The following PALM2AKAP2 variants were observed in gnomAD, a reference collection of about 807,000 sequenced individuals.
PALM2AKAP2 encodes the protein PALM2-AKAP2 fusion protein.
A neutral mutation model predicts 71.5 loss-of-function variants in PALM2AKAP2; 37 were observed. The ratio of observed to expected loss-of-function variants is 0.52; its 90% CI spans 0.40 to 0.68. The LOEUF (loss-of-function observed/expected upper bound fraction) is 0.68. PALM2AKAP2 is among the 30% of genes least tolerant of loss of function. The probability of loss-of-function intolerance (pLI) is 0.00; values close to 1 mark genes in which losing one functional copy is unlikely to be tolerated. For missense variants in PALM2AKAP2, 1,224 were observed against 1,191.8 expected (o/e 1.03, Z -0.40); for synonymous variants, 468 against 478.8 (o/e 0.98, Z 0.29).
intron 1 of PALM2AKAP2, among the ~76,000 whole-genome samples, chr9:110,093,290 G>A (rs2118807674): frequency 6.6e-6 from 1 of 152,308 alleles, no homozygotes; most frequent in African/African-American, 2.4e-5. Context: ...CTGGATGTGA[G>A]ATGTAATATT....
chr9:109,882,424 G>C (rs1291320784), intron 3 of PALM2AKAP2, among the ~76,000 whole-genome samples: 1 of 152,142 alleles, frequency 6.6e-6, no homozygotes, highest in Non-Finnish European at 1.5e-5. Flanking sequence ...AAAGTTTGGA[G>C]GGTTTGTGTG....
chr9:109,987,312 G>T (rs1011608382), intron 6 of PALM2AKAP2, among the ~76,000 whole-genome samples: 1 of 152,038 alleles, frequency 6.6e-6, no homozygotes, highest in Non-Finnish European at 1.5e-5. Flanking sequence ...TGTATTTTTA[G>T]TAGAGAGGGG....
At chr9:109,714,182 A>G (rs1828283789) in intron 1 of PALM2AKAP2, among the ~76,000 whole-genome samples, 1 of 152,232 alleles carries the variant, frequency 6.6e-6, no homozygotes, top group Non-Finnish European at 1.5e-5. Context: ...GAGTACTGCT[A>G]TCTAGTTACT....
exon 2 of PALM2AKAP2, chr9:110,137,796 A>G (rs931022054): frequency 2.5e-6 from 4 of 1,613,870 alleles, no homozygotes; most frequent in African/African-American, 2.7e-5. Context: ...TCACTGGCTG[A>G]TTTTTCTCTG....
chr9:109,959,575 G>A (rs540092841), intron 6 of PALM2AKAP2, among the ~76,000 whole-genome samples: 111 of 151,306 alleles, frequency 7.3e-4, no homozygotes, highest in Non-Finnish European at 1.4e-3. Flanking sequence ...AACCCGGGAG[G>A]CGGAACTTGC....
chr9:109,813,326 A>C (rs1827770988), intron 1 of PALM2AKAP2, among the ~76,000 whole-genome samples: 1 of 152,186 alleles, frequency 6.6e-6, no homozygotes, highest in Non-Finnish European at 1.5e-5. Context: ...ATGAATTGGG[A>C]CTCATTTAAT....
chr9:109,777,666 T>C (rs1292158106), upstream of PALM2AKAP2, among the ~76,000 whole-genome samples: 2 of 152,228 alleles, frequency 1.3e-5, no homozygotes, highest in South Asian at 2.1e-4. Context: ...AAGTCACTCA[T>C]GGCTTACTGA....
intron 1 of PALM2AKAP2, among the ~76,000 whole-genome samples, chr9:109,714,462 G>A (rs1828287434): frequency 6.6e-6 from 1 of 152,110 alleles, no homozygotes; most frequent in Non-Finnish European, 1.5e-5. Flanking sequence ...TCCATGAACA[G>A]CTGTTAAAAT....
intron 3 of PALM2AKAP2, among the ~76,000 whole-genome samples, chr9:109,921,734 G>A (rs932226404): frequency 6.6e-6 from 1 of 152,118 alleles, no homozygotes; most frequent in African/African-American, 2.4e-5. Context: ...GGCTCTATTT[G>A]ACTAATGCAT....
chr9:110,149,169 CAAT>C (rs1836250636), intron 2 of PALM2AKAP2, among the ~76,000 whole-genome samples: 1 of 152,186 alleles, frequency 6.6e-6, no homozygotes. Flanking sequence ...CAGGAAACAC[CAAT>C]TTATGCTTTC....
chr9:109,989,264 C>T (rs1230167260), intron 6 of PALM2AKAP2, among the ~76,000 whole-genome samples: 2 of 152,188 alleles, frequency 1.3e-5, no homozygotes, highest in South Asian at 2.1e-4. Context: ...ATCTGAACAT[C>T]GAAGTGTGCC....
chr9:109,966,686 T>G (rs1271254177), intron 6 of PALM2AKAP2, among the ~76,000 whole-genome samples: 1 of 152,248 alleles, frequency 6.6e-6, no homozygotes, highest in Non-Finnish European at 1.5e-5. Flanking sequence ...TATTTTTTGG[T>G]GTTTGAATAT....
intron 1 of PALM2AKAP2, among the ~76,000 whole-genome samples, chr9:109,651,400 C>T (rs901679256): frequency 3.9e-5 from 6 of 152,178 alleles, no homozygotes; most frequent in African/African-American, 1.4e-4. Flanking sequence ...TCCCTTATCA[C>T]TTTGTTAGCC....
At chr9:110,166,255 G>C (rs1836730630) in intron 3 of PALM2AKAP2, among the ~76,000 whole-genome samples, 1 of 152,060 alleles carries the variant, frequency 6.6e-6, no homozygotes, top group African/African-American at 2.4e-5. Context: ...ATTTTACATG[G>C]GGATACTGAA....
rs142631317 is a variant in PALM2AKAP2 at position 110,154,617 on chromosome 9, A to G, written c.2570-1702A>G. The stretch of plus-strand genomic sequence containing the variant: ...GTAATAAAAAATAGGAACTGTTTCT[A>G]GTGAACTTGGAGATTTTGAAATACT... On this transcript the variant is annotated intron_variant, in intron 2 of 3. Coordinates refer to ENST00000374525, the Ensembl canonical transcript of PALM2AKAP2. 9.8e-5 allele frequency among the ~76,000 whole-genome samples: 15 copies of G among 152,340 alleles called. No homozygotes were observed. The East Asian group carries it at 2.3e-3, about 23-fold the overall frequency.
chr9:109,890,880 C>A (rs1830073439), intron 3 of PALM2AKAP2, among the ~76,000 whole-genome samples: 1 of 152,210 alleles, frequency 6.6e-6, no homozygotes, highest in South Asian at 2.1e-4. Flanking sequence ...TTTTTATCTC[C>A]TTTGAAACAG....
At chr9:110,028,400 A>G (rs543012276) in intron 7 of PALM2AKAP2, among the ~76,000 whole-genome samples, 1 of 152,352 alleles carries the variant, frequency 6.6e-6, no homozygotes, top group South Asian at 2.1e-4. Flanking sequence ...CTTGCCAACA[A>G]TAATAGCTAA....
At chr9:109,983,531 G>T in intron 6 of PALM2AKAP2, among the ~76,000 whole-genome samples, 1 of 151,904 alleles carries the variant, frequency 6.6e-6, no homozygotes, top group Admixed American at 6.6e-5. Context: ...ATTTAGGGTG[G>T]CTTGCAGAAA....
Position 110,016,004 on chromosome 9 carries a change from G to A in PALM2AKAP2, c.547G>A (p.Ala183Thr), listed in dbSNP as rs766588481. The change falls in exon 7 of 10, where the codon GCC becomes ACC. Residue 183 changes from alanine to threonine, a missense_variant. Coordinates refer to the PALM2AKAP2 transcript ENST00000302798. ...AAAGGAAGGTGAGTCAGCCTCGAAC[G>A]CCACAGAAACATCCGGCCCAGACAT... 22 of 1,613,832 alleles carry A rather than the reference G, an allele frequency of 1.4e-5. No individual in the cohort carries two copies. Among genetic ancestry groups the A allele is most frequent in the East Asian group, 8.9e-5 (4 of 44,896 alleles).
Sources: allele counts gnomAD v4.1 joint callset (sites outside exome capture counted in the v4.1 genomes callset), GRCh38; gene constraint gnomAD v4.1.1; transcripts MANE v1.5; gene names NCBI Gene and HGNC (gene_info 2026-07-23, HGNC 2026-07-21).